The following STX12 variants were observed in gnomAD, a reference collection of about 807,000 sequenced individuals.
The protein encoded by STX12 is syntaxin 12.
Under a neutral mutation model 42.2 loss-of-function variants are expected in STX12, and 17 were observed. The ratio of observed to expected loss-of-function variants is 0.40; its 90% CI spans 0.28 to 0.60. STX12 has a LOEUF of 0.60. Among genes scored for constraint, STX12 ranks in the 20% least tolerant of loss-of-function variants. The probability of loss-of-function intolerance (pLI) is 0.39; values close to 1 mark genes in which losing one functional copy is unlikely to be tolerated. For missense variants in STX12, 297 were observed against 330.9 expected, an observed-to-expected ratio of 0.90 and a Z score of 0.79; for synonymous variants, 108 against 116.7, an observed-to-expected ratio of 0.93 and a Z score of 0.48.
At position 27,799,477 on chromosome 1, in the gene STX12, G is replaced by GTTTTTTTTTTTTTTTTTTTT. The variant is rs200472226; in HGVS notation, c.289-2190_289-2189insTTTTTTTTTTTTTTTTTTTT. Among the ~76,000 whole-genome samples the GTTTTTTTTTTTTTTTTTTTT allele has an allele frequency of 7.1e-4, 93 of 130,702 alleles. 10 individuals carry two copies. The highest frequency in any genetic ancestry group is 2.5e-3 in the African/African-American group (78 of 31,232). 85.7% of individuals were successfully genotyped at this position (130,702 alleles called of 152,430 possible). A position where few individuals can be genotyped will look rare whatever the true frequency, so the allele number is the denominator to read the frequency against. On this transcript the variant is annotated intron_variant, in intron 3 of 8. Coordinates refer to ENST00000373943, the MANE Select transcript of STX12 (RefSeq NM_177424.3). ...GGTTGAACCCCAAACTCATTAGCTTGTTTTTTTTTTTGTTTTTTTTTTTGA... is the reference window on the plus strand; with the variant it reads ...GGTTGAACCCCAAACTCATTAGCTTGTTTTTTTTTTTTTTTTTTTTTTTTTTTTTTTGTTTTTTTTTTTGA...
At chr1:27,814,017 C>T (rs1464765413) in intron 6 of STX12, among the ~76,000 whole-genome samples, 1 of 152,204 alleles carries the variant, frequency 6.6e-6, no homozygotes, top group East Asian at 1.9e-4. Context: ...TCTCCTGCCT[C>T]AGCCTCCTGA....
chr1:27,787,288 T>C (rs1390444284), intron 1 of STX12, among the ~76,000 whole-genome samples: 2 of 152,218 alleles, frequency 1.3e-5, no homozygotes, highest in Non-Finnish European at 2.9e-5. Context: ...GACTGAGTTG[T>C]TCCATTTCTG....
At chr1:27,796,544 AC>A (rs2088786994) in intron 3 of STX12, among the ~76,000 whole-genome samples, 1 of 152,052 alleles carries the variant, frequency 6.6e-6, no homozygotes, top group African/African-American at 2.4e-5. Flanking sequence ...GGCATGTGCC[AC>A]CACACCAAGC....
At chr1:27,793,771 C>T (rs929405702) in intron 3 of STX12, 139 bp downstream of exon 3, 1 of 621,222 alleles carries the variant, frequency 1.6e-6, no homozygotes, top group Non-Finnish European at 2.8e-6. Flanking sequence ...TCTTATCCAT[C>T]AAGTGGGGGA....
chr1:27,786,788 G>C (rs1256398300), intron 1 of STX12, among the ~76,000 whole-genome samples: 2 of 152,224 alleles, frequency 1.3e-5, no homozygotes, highest in Non-Finnish European at 2.9e-5. Context: ...CCAGTGTCTA[G>C]TACCTCATAG....
chr1:27,782,743 G>A (rs999508786), intron 1 of STX12, among the ~76,000 whole-genome samples: 1 of 152,158 alleles, frequency 6.6e-6, no homozygotes, highest in East Asian at 1.9e-4. Context: ...AGCTGAGACA[G>A]GAGAATCACT....
intron 8 of STX12, 30 bp downstream of exon 8, chr1:27,819,762 T>A (rs1204190869): frequency 1.9e-6 from 3 of 1,600,894 alleles, no homozygotes; most frequent in Admixed American, 1.7e-5. Context: ...AAAGTCACTC[T>A]GTGTTGCAGA....
At chr1:27,818,516 G>A (rs2088959561) in intron 7 of STX12, among the ~76,000 whole-genome samples, 1 of 152,036 alleles carries the variant, frequency 6.6e-6, no homozygotes, top group Admixed American at 6.5e-5. Flanking sequence ...GAAGTTAAAT[G>A]AGGCCTCATG....
intron 4 of STX12, among the ~76,000 whole-genome samples, chr1:27,806,984 C>T (rs1403490247): frequency 1.3e-5 from 2 of 152,112 alleles, no homozygotes; most frequent in Non-Finnish European, 1.5e-5. Context: ...TCCCTTCGCA[C>T]GTTGGGATTA....
intron 2 of STX12, among the ~76,000 whole-genome samples, chr1:27,791,192 C>T (rs892996775): frequency 2.6e-5 from 4 of 151,994 alleles, no homozygotes; most frequent in African/African-American, 4.8e-5. Context: ...ACCTGGGAGG[C>T]GGAGGTTGCA....
chr1:27,819,488 A>G lies in STX12; in HGVS notation c.650-162A>G, dbSNP rs1224071752. 2.8e-5 allele frequency among the ~76,000 whole-genome samples: 4 copies of G among 143,606 alleles called. No homozygotes were observed. In the East Asian group the frequency reaches 7.7e-4, roughly 28 times the overall value. 94.2% of individuals were successfully genotyped at this position (143,606 alleles called of 152,430 possible). ...CCCAAAAATTCATTGTTTTTTCTCC[A>G]AAGAAAAGGCTAGTCTCTTACCAAG... On this transcript the variant is annotated intron_variant, in intron 7 of 8. Coordinates refer to ENST00000373943, the MANE Select transcript of STX12 (RefSeq NM_177424.3).
intron 6 of STX12, among the ~76,000 whole-genome samples, chr1:27,816,580 C>T (rs1178504605): frequency 2.5e-5 from 3 of 118,390 alleles, no homozygotes; most frequent in Non-Finnish European, 3.3e-5. Context: ...CCGAGGCAGG[C>T]GGATCAGGAA....
chr1:27,813,962 G>A (rs556978595), intron 6 of STX12, among the ~76,000 whole-genome samples: 4 of 151,926 alleles, frequency 2.6e-5, no homozygotes, highest in African/African-American at 4.8e-5. Context: ...GTGCAGTGGC[G>A]CGTTCTTGGC....
At position 27,782,272 on chromosome 1, in the gene STX12, T is replaced by A. The variant is rs187681973; in HGVS notation, c.119-7290T>A. On this transcript the variant is annotated intron_variant, in intron 1 of 8. Transcript: ENST00000373943. Reference sequence around the variant, plus strand: ...GCACCACCACGTCCAAGTAATTTTTTAATTTTTTGTAGAGACGGGCTCACT... The same window carrying A: ...GCACCACCACGTCCAAGTAATTTTTAAATTTTTTGTAGAGACGGGCTCACT... Among the ~76,000 whole-genome samples the A allele has an allele frequency of 6.1e-3, 923 of 152,214 alleles. 10 individuals are homozygous for A. Among genetic ancestry groups the A allele is most frequent in the African/African-American group, 0.021 (874 of 41,490 alleles).
intron 5 of STX12, among the ~76,000 whole-genome samples, chr1:27,810,969 T>C (rs1011557097): frequency 6.6e-6 from 1 of 151,958 alleles, no homozygotes; most frequent in South Asian, 2.1e-4. Context: ...AATGGAAAAT[T>C]TCAAAGTGTT....
rs1236120522 is a variant in STX12 at position 27,817,910 on chromosome 1, G to A, written c.636G>A (p.Gln212=). ...FKDLAMMIHD[Q]GDLIDSIEAN... is the part of the protein sequence containing the mutation. Reference sequence around the variant, plus strand: ...ATTTGGCCATGATGATCCATGACCAGGGTGATCTGATTGGTATGTATTATT... The same window carrying A: ...ATTTGGCCATGATGATCCATGACCAAGGTGATCTGATTGGTATGTATTATT... The change falls in exon 7 of 9, where the codon CAG becomes CAA. Residue 212 remains glutamine, a synonymous_variant. Coordinates refer to ENST00000373943, the MANE Select transcript of STX12 (RefSeq NM_177424.3). 8 of 1,613,818 alleles carry A rather than the reference G, an allele frequency of 5.0e-6. No homozygotes were observed. The highest frequency in any genetic ancestry group is 5.9e-6 in the Non-Finnish European group (7 of 1,179,800).
At chr1:27,819,873 AT>A in intron 8 of STX12, 141 bp downstream of exon 8, 1 of 598,058 alleles carries the variant, frequency 1.7e-6, no homozygotes. Flanking sequence ...TCCCAGTTCC[AT>A]TTTTATTATT....
At chr1:27,803,524 A>G (rs1363308788) in intron 4 of STX12, among the ~76,000 whole-genome samples, 1 of 152,222 alleles carries the variant, frequency 6.6e-6, no homozygotes, top group Non-Finnish European at 1.5e-5. Flanking sequence ...GTTTTCTGTC[A>G]GCACATCTTA....
chr1:27,822,003 G>T (rs187847937), intron 8 of STX12, among the ~76,000 whole-genome samples: 2 of 151,952 alleles, frequency 1.3e-5, no homozygotes, highest in Admixed American at 1.3e-4. Context: ...GGGTGACGGA[G>T]TGAGACTCTG....
Sources: gnomAD v4.1 joint callset for allele counts (sites outside exome capture counted in the v4.1 genomes callset) on GRCh38, gnomAD v4.1.1 for gene constraint, MANE v1.5 for transcripts, NCBI Gene and HGNC (gene_info 2026-07-23, HGNC 2026-07-21) for gene names.